MACROD2: variants seen among roughly 807,000 people sequenced by gnomAD.
MACROD2 encodes ADP-ribose glycohydrolase MACROD2.
In MACROD2, 36 loss-of-function variants were observed where a neutral mutation model predicts 70.4. The ratio of observed to expected loss-of-function variants is 0.51; its 90% CI spans 0.39 to 0.68. The LOEUF (loss-of-function observed/expected upper bound fraction) is 0.68. Among genes scored for constraint, MACROD2 ranks in the 30% least tolerant of loss-of-function variants. The pLI is 0.00. For synonymous variants in MACROD2, 172 were observed against 178.8 expected (o/e 0.96, Z 0.30); for missense variants, 496 against 538.4 (o/e 0.92, Z 0.78).
intron 4 of MACROD2, among the ~76,000 whole-genome samples, chr20:14,623,391 A>T (rs1327361459): frequency 6.6e-6 from 1 of 152,126 alleles, no homozygotes; most frequent in African/African-American, 2.4e-5. Context: ...AATAAGGGAG[A>T]GTTTATGAAC....
At chr20:15,497,837 C>T (rs1001544323) in intron 7 of MACROD2, among the ~76,000 whole-genome samples, 1 of 152,142 alleles carries the variant, frequency 6.6e-6, no homozygotes, top group Non-Finnish European at 1.5e-5. Flanking sequence ...TGTCATGCTG[C>T]ATTTTGTTTG....
chr20:14,574,363 G>A (rs151181976), intron 4 of MACROD2, among the ~76,000 whole-genome samples: 2 of 152,108 alleles, frequency 1.3e-5, no homozygotes, highest in East Asian at 1.9e-4. Flanking sequence ...TCAAACCATA[G>A]CATTTACCCT....
At chr20:14,142,739 T>C (rs111403756) in intron 3 of MACROD2, among the ~76,000 whole-genome samples, 6 of 152,320 alleles carry the variant, frequency 3.9e-5, no homozygotes, top group African/African-American at 1.2e-4. Flanking sequence ...AAAATGCACA[T>C]AGGCTTGATA....
intron 5 of MACROD2, among the ~76,000 whole-genome samples, chr20:14,799,633 T>G (rs779659029): frequency 6.6e-6 from 1 of 152,074 alleles, no homozygotes; most frequent in Non-Finnish European, 1.5e-5. Context: ...TTTGTGTGTT[T>G]CCTTAGAAGT....
chr20:14,433,878 T>C (rs2084025558), intron 3 of MACROD2, among the ~76,000 whole-genome samples: 1 of 152,158 alleles, frequency 6.6e-6, no homozygotes, highest in African/African-American at 2.4e-5. Context: ...ATTTTTCTCT[T>C]CTCAATGAAG....
chr20:14,257,948 A>G (rs1383991484), intron 3 of MACROD2, among the ~76,000 whole-genome samples: 1 of 152,122 alleles, frequency 6.6e-6, no homozygotes, highest in Non-Finnish European at 1.5e-5. Context: ...TTGCATCCTC[A>G]TAGCTTGGCT....
At chr20:14,276,010 C>T (rs545036967) in intron 3 of MACROD2, among the ~76,000 whole-genome samples, 2,850 of 151,790 alleles carry the variant, frequency 0.019, 38 homozygotes, top group Non-Finnish European at 0.027. Context: ...GAAATAGGAA[C>T]ACTTTTACAC....
chr20:14,836,171 T>C (rs1413056883), intron 5 of MACROD2, among the ~76,000 whole-genome samples: 6 of 152,008 alleles, frequency 3.9e-5, no homozygotes, highest in Non-Finnish European at 8.8e-5. Flanking sequence ...AAAAAAATTT[T>C]GGAAAAGAGT....
At chr20:14,693,689 G>T (rs750484591) in intron 5 of MACROD2, among the ~76,000 whole-genome samples, 106 of 152,140 alleles carry the variant, frequency 7.0e-4, no homozygotes, top group Non-Finnish European at 4.4e-4. Flanking sequence ...TAGAATGTAA[G>T]ATTGATTCTG....
chr20:14,594,957 A>G (rs913709770), intron 4 of MACROD2, among the ~76,000 whole-genome samples: 3 of 152,160 alleles, frequency 2.0e-5, no homozygotes, highest in Non-Finnish European at 2.9e-5. Flanking sequence ...CACTGCCATT[A>G]TTTCACCATA....
At chr20:16,006,129 G>A (rs529326621) in intron 15 of MACROD2, among the ~76,000 whole-genome samples, 6 of 152,128 alleles carry the variant, frequency 3.9e-5, no homozygotes, top group Non-Finnish European at 7.4e-5. Context: ...CCTCTCCTCC[G>A]CCCATCCCTC....
chr20:14,137,984 C>A (rs999850016), intron 3 of MACROD2, among the ~76,000 whole-genome samples: 1 of 152,124 alleles, frequency 6.6e-6, no homozygotes, highest in Non-Finnish European at 1.5e-5. Flanking sequence ...AGGACACATA[C>A]AGATGGCCAG....
intron 6 of MACROD2, among the ~76,000 whole-genome samples, chr20:15,234,042 T>TTG (rs2076990449): frequency 1.9e-5 from 1 of 51,576 alleles, no homozygotes; most frequent in Non-Finnish European, 3.4e-5. Context: ...TTTTTTTTTT[T>TTG]TTTTTTTGAG....
chr20:14,250,252 A>G (rs2082000677), intron 3 of MACROD2, among the ~76,000 whole-genome samples: 1 of 152,028 alleles, frequency 6.6e-6, no homozygotes, highest in African/African-American at 2.4e-5. Context: ...CTGATAAAGG[A>G]ACTATGTAAA....
chr20:14,919,797 G>C (rs755586852), intron 5 of MACROD2, among the ~76,000 whole-genome samples: 6 of 152,204 alleles, frequency 3.9e-5, no homozygotes, highest in African/African-American at 1.4e-4. Context: ...AAACGTCAAT[G>C]AATGATGAAG....
At chr20:15,831,050 A>G (rs2064050603) in intron 8 of MACROD2, among the ~76,000 whole-genome samples, 1 of 152,236 alleles carries the variant, frequency 6.6e-6, no homozygotes, top group Non-Finnish European at 1.5e-5. Flanking sequence ...CAAATTCAAA[A>G]TGGGAATTTT....
chr20:14,599,619 T>C (rs1982354910), intron 4 of MACROD2, among the ~76,000 whole-genome samples: 1 of 152,178 alleles, frequency 6.6e-6, no homozygotes, highest in Admixed American at 6.5e-5. Context: ...TAGGAAGTTT[T>C]TCAGCAGCAG....
At chr20:14,782,227 G>C (rs1021979134) in intron 5 of MACROD2, among the ~76,000 whole-genome samples, 2 of 151,904 alleles carry the variant, frequency 1.3e-5, no homozygotes, top group East Asian at 3.9e-4. Context: ...CCCAGCCTAA[G>C]ATTTCTTCTT....
chr20:15,314,751 T>C (rs2077791088), intron 6 of MACROD2, among the ~76,000 whole-genome samples: 1 of 152,184 alleles, frequency 6.6e-6, no homozygotes. Flanking sequence ...AGGTTGTAGT[T>C]GAGGCAAATA....
Sources: allele counts gnomAD v4.1 joint callset (sites outside exome capture counted in the v4.1 genomes callset), GRCh38; gene constraint gnomAD v4.1.1; transcripts MANE v1.5; gene names NCBI Gene and HGNC (gene_info 2026-07-23, HGNC 2026-07-21).